CLEC20A: variants seen among roughly 807,000 people sequenced by gnomAD.
CLEC20A encodes C-type lectin domain containing 20A.
upstream of CLEC20A, chr1:178,496,941 G>T: frequency 2.5e-6 from 1 of 400,188 alleles, no homozygotes; most frequent in East Asian, 3.6e-5. Flanking sequence ...GGGCAGCATG[G>T]CTGGGCACTG....
chr1:178,480,877 T>G (rs1648954329), intron 7 of CLEC20A: 1 of 151,950 alleles, frequency 6.6e-6, no homozygotes, highest in African/African-American at 2.4e-5. Flanking sequence ...AAAAGGCCCT[T>G]AACTACATTT....
At chr1:178,487,083 G>T (rs1380220117) in intron 5 of CLEC20A, among the ~76,000 whole-genome samples, 1 of 152,202 alleles carries the variant, frequency 6.6e-6, no homozygotes, top group Non-Finnish European at 1.5e-5. Flanking sequence ...CTTCTGTGGG[G>T]TCCGCTGCGC....
exon 4 of CLEC20A, chr1:178,490,258 G>A (rs1649239768): frequency 2.5e-6 from 1 of 398,552 alleles, no homozygotes; most frequent in South Asian, 1.3e-4. Flanking sequence ...TTGAGGTAGA[G>A]GCCAATCCAG....
chr1:178,479,685 A>G (rs1648895217), intron 7 of CLEC20A, 70 bp from the exon 8 acceptor site: 1 of 397,252 alleles, frequency 2.5e-6, no homozygotes, highest in Non-Finnish European at 4.4e-6. Flanking sequence ...GCCCTAAACT[A>G]TCCATCCGTA....
intron 7 of CLEC20A, chr1:178,479,832 A>G (rs1348333701): frequency 3.0e-6 from 1 of 333,530 alleles, no homozygotes; most frequent in Non-Finnish European, 5.4e-6. Context: ...AATGACAAAG[A>G]ACACTAAAAC....
intron 5 of CLEC20A, among the ~76,000 whole-genome samples, chr1:178,484,900 C>T (rs538245964): frequency 6.6e-6 from 1 of 151,696 alleles, no homozygotes; most frequent in East Asian, 1.9e-4. Context: ...CCAGACTGTG[C>T]AATATTCTTT....
chr1:178,489,139 G>T (rs989137492), intron 4 of CLEC20A, among the ~76,000 whole-genome samples: 1 of 152,114 alleles, frequency 6.6e-6, no homozygotes, highest in Non-Finnish European at 1.5e-5. Context: ...AAGGCGGGTG[G>T]ATCACTTGAG....
chr1:178,490,263 A>G (rs1450639135), exon 4 of CLEC20A: 6 of 398,528 alleles, frequency 1.5e-5, no homozygotes, highest in Non-Finnish European at 2.7e-5. Context: ...GTAGAGGCCA[A>G]TCCAGGCTTC....
In CLEC20A at chr1:178,490,999, G is replaced by A. The variant is rs545343933; in HGVS notation, c.464-562C>T. 1.3e-5 allele frequency among the ~76,000 whole-genome samples: 2 copies of A among 152,310 alleles called. 1 individual carries two copies. Among genetic ancestry groups the A allele is most frequent in the East Asian group, 3.9e-4 (2 of 5,172 alleles). ...GATGTTCCTAGACTCACCGTGCCTG[G>A]AGAGCCAGGGAGAAGAGGCCAGCCT... is the stretch of plus-strand genomic sequence containing the variant. On this transcript the variant is annotated intron_variant, in intron 3 of 7. Coordinates refer to ENST00000623247, the Ensembl canonical transcript of CLEC20A.
At chr1:178,498,430 A>C (rs979477132), upstream of CLEC20A, among the ~76,000 whole-genome samples, 1 of 152,096 alleles carries the variant, frequency 6.6e-6, no homozygotes, top group African/African-American at 2.4e-5. Context: ...CATCTCTACA[A>C]AAATTATAAA....
upstream of CLEC20A, among the ~76,000 whole-genome samples, chr1:178,499,260 C>CT: frequency 6.6e-6 from 1 of 152,312 alleles, no homozygotes; most frequent in South Asian, 2.1e-4. Flanking sequence ...CCAACAAAAC[C>CT]TTTCAATAAA....
At chr1:178,485,675 G>A (rs1055881180) in intron 5 of CLEC20A, among the ~76,000 whole-genome samples, 1 of 152,144 alleles carries the variant, frequency 6.6e-6, no homozygotes, top group African/African-American at 2.4e-5. Flanking sequence ...ACAGGAAACA[G>A]CCCTGCTCAT....
At chr1:178,489,137 T>C (rs79410031) in intron 4 of CLEC20A, among the ~76,000 whole-genome samples, 2 of 151,780 alleles carry the variant, frequency 1.3e-5, no homozygotes, top group East Asian at 1.9e-4. Flanking sequence ...CCAAGGCGGG[T>C]GGATCACTTG....
At chr1:178,485,618 GTCCTGACTGTCTCCGT>G (rs1338148838) in intron 5 of CLEC20A, among the ~76,000 whole-genome samples, 1 of 152,162 alleles carries the variant, frequency 6.6e-6, no homozygotes, top group Non-Finnish European at 1.5e-5. Flanking sequence ...TTTCCAAACC[GTCCTGACTGTCTCCGT>G]TAGTTCCTAT....
chr1:178,496,628 T>C (rs1649400962), intron 1 of CLEC20A: 1 of 386,026 alleles, frequency 2.6e-6, no homozygotes. Context: ...CTTTGAGGAA[T>C]GTCTTAGCCC....
At chr1:178,488,303 C>G (rs995608532) in intron 5 of CLEC20A, among the ~76,000 whole-genome samples, 198 bp downstream of exon 5, 6 of 152,262 alleles carry the variant, frequency 3.9e-5, no homozygotes, top group African/African-American at 1.4e-4. Flanking sequence ...TTCCCCAGCC[C>G]TGGCTGGACC....
intron 5 of CLEC20A, among the ~76,000 whole-genome samples, chr1:178,486,201 G>A (rs1649137884): frequency 6.6e-6 from 1 of 152,212 alleles, no homozygotes; most frequent in Non-Finnish European, 1.5e-5. Flanking sequence ...GAGACAGTGA[G>A]CTGGCTCTGG....
At chr1:178,490,365 T>C in exon 4 of CLEC20A, 1 of 398,658 alleles carries the variant, frequency 2.5e-6, no homozygotes, top group Non-Finnish European at 4.4e-6. Context: ...GCTGCGGCAG[T>C]ACAGCAGGGC....
intron 4 of CLEC20A, among the ~76,000 whole-genome samples, chr1:178,488,932 AGGGAGTGACTTCTACC>A (rs1649214420): frequency 1.3e-5 from 2 of 152,150 alleles, no homozygotes; most frequent in South Asian, 4.2e-4. Flanking sequence ...TGGGGCGGAG[AGGGAGTGACTTCTACC>A]GGGTAAGGGG....
Sources: gnomAD v4.1 joint callset for allele counts (sites outside exome capture counted in the v4.1 genomes callset) on GRCh38, gnomAD v4.1.1 for gene constraint, MANE v1.5 for transcripts, NCBI Gene and HGNC (gene_info 2026-07-23, HGNC 2026-07-21) for gene names.